Variants in SMYD3 observed in about 807,000 individuals in gnomAD.
SMYD3 encodes the protein histone-lysine N-methyltransferase SMYD3.
In SMYD3, 36 loss-of-function variants were observed where a neutral mutation model predicts 57.7. The ratio of observed to expected loss-of-function variants is 0.62; its 90% confidence interval spans 0.48 to 0.82. The LOEUF (loss-of-function observed/expected upper bound fraction) is 0.82. Among genes scored for constraint, SMYD3 ranks in the 40% least tolerant of loss-of-function variants. The probability of loss-of-function intolerance (pLI) is 0.00; values close to 1 mark genes in which losing one functional copy is unlikely to be tolerated. For missense variants in SMYD3, 515 were observed against 538.8 expected (o/e 0.96, Z 0.44); for synonymous variants, 211 against 195.0 (o/e 1.08, Z -0.68).
At chr1:245,833,202 G>A (rs1014856614) in intron 10 of SMYD3, among the ~76,000 whole-genome samples, 2 of 152,098 alleles carry the variant, frequency 1.3e-5, no homozygotes, top group Non-Finnish European at 2.9e-5. Context: ...GTCCTCTGTT[G>A]CTAACATCTT....
chr1:246,165,092 G>C (rs750711348), intron 5 of SMYD3, among the ~76,000 whole-genome samples: 1 of 152,174 alleles, frequency 6.6e-6, no homozygotes, highest in South Asian at 2.1e-4. Context: ...AGGGAAAAGC[G>C]TTCCCGAAAG....
At chr1:246,249,066 T>A (rs12402816) in intron 5 of SMYD3, among the ~76,000 whole-genome samples, 31,379 of 151,048 alleles carry the variant, frequency 0.21, 3,946 homozygotes, top group East Asian at 0.58. Context: ...ATTACTGGGA[T>A]TTTTTTTTAG....
rs529150051 is a variant in SMYD3 at position 245,818,601 on chromosome 1, A to C, written c.1076+39895T>G. 4.5e-4 allele frequency among the ~76,000 whole-genome samples: 68 copies of C among 152,080 alleles called. No homozygotes were observed. In the Middle Eastern group the frequency reaches 0.017, roughly 38 times the overall value. ...TCCAATTAAAAGACACAGACTGGCA[A>C]ATTGGATAAAGAGTCAAGACCCATC... On this transcript the variant is annotated intron_variant, in intron 10 of 11. Transcript: ENST00000490107.
chr1:246,373,942 T>C (rs1558430860), intron 1 of SMYD3, among the ~76,000 whole-genome samples: 1 of 152,198 alleles, frequency 6.6e-6, no homozygotes, highest in Non-Finnish European at 1.5e-5. Flanking sequence ...CACTGATTCA[T>C]TCTTTCAACA....
At chr1:245,873,884 A>C (rs951046815) in intron 8 of SMYD3, among the ~76,000 whole-genome samples, 3 of 152,204 alleles carry the variant, frequency 2.0e-5, no homozygotes, top group Non-Finnish European at 4.4e-5. Context: ...GCCACTGGCC[A>C]GCTGTGAGGC....
At chr1:246,055,930 C>G (rs181924344) in intron 5 of SMYD3, among the ~76,000 whole-genome samples, 217 of 152,194 alleles carry the variant, frequency 1.4e-3, no homozygotes, top group African/African-American at 5.0e-3. Flanking sequence ...TGGAGCTGGA[C>G]AGTGGTAACG....
At chr1:246,351,527 A>G (rs1450889911) in intron 2 of SMYD3, among the ~76,000 whole-genome samples, 1 of 152,234 alleles carries the variant, frequency 6.6e-6, no homozygotes, top group Admixed American at 6.5e-5. Context: ...CTATGAAATT[A>G]TATGATAGAC....
chr1:246,011,152 AC>A lies in SMYD3; in HGVS notation c.532-81216del, dbSNP rs2059275003. ...ATCAACAAAATGATAGGCAGAAGGAACCTCAAAACTTTTGTGATCTGAATTC... is the reference window on the plus strand; with the variant it reads ...ATCAACAAAATGATAGGCAGAAGGAACTCAAAACTTTTGTGATCTGAATTC... On this transcript the variant is annotated intron_variant, in intron 5 of 11. Transcript: ENST00000490107. Among the ~76,000 whole-genome samples the A allele has an allele frequency of 2.0e-5, 3 of 152,316 alleles. No individual in the cohort carries two copies. The East Asian group carries it at 5.8e-4, about 29-fold the overall frequency.
At chr1:245,775,642 T>TC (rs766097007) in intron 10 of SMYD3, among the ~76,000 whole-genome samples, 1 of 150,168 alleles carries the variant, frequency 6.7e-6, no homozygotes, top group African/African-American at 2.5e-5. Context: ...CTGCCGACCT[T>TC]CCCTCCACTA....
At chr1:245,946,830 C>A (rs1243835119) in intron 5 of SMYD3, among the ~76,000 whole-genome samples, 1 of 152,090 alleles carries the variant, frequency 6.6e-6, no homozygotes, top group East Asian at 1.9e-4. Context: ...TATTATTTCA[C>A]CGCCCAAGTA....
intron 5 of SMYD3, among the ~76,000 whole-genome samples, chr1:246,174,091 T>A (rs1211842113): frequency 6.6e-6 from 1 of 152,120 alleles, no homozygotes; most frequent in African/African-American, 2.4e-5. Context: ...ACTACAGGCA[T>A]GAGCCACTGC....
At chr1:245,864,425 A>G (rs1389751953) in intron 8 of SMYD3, among the ~76,000 whole-genome samples, 1 of 152,254 alleles carries the variant, frequency 6.6e-6, no homozygotes, top group African/African-American at 2.4e-5. Flanking sequence ...ACATGCTACA[A>G]CATGGATGAA....
intron 1 of SMYD3, among the ~76,000 whole-genome samples, chr1:246,442,634 A>T (rs2067487410): frequency 6.6e-6 from 1 of 152,182 alleles, no homozygotes; most frequent in Non-Finnish European, 1.5e-5. Context: ...AAATGAAAGA[A>T]TCTAATGATA....
At chr1:245,858,711 G>T in intron 9 of SMYD3, 41 bp from the exon 10 acceptor site, 1 of 1,576,328 alleles carries the variant, frequency 6.3e-7, no homozygotes, top group East Asian at 2.3e-5. Context: ...TCTTCATCAA[G>T]AAAAAAACAA....
intron 5 of SMYD3, among the ~76,000 whole-genome samples, chr1:246,072,560 AG>A (rs1359529384): frequency 1.3e-5 from 2 of 152,218 alleles, no homozygotes; most frequent in African/African-American, 2.4e-5. Context: ...CAGATTCACA[AG>A]GGGTAGACTT....
At chr1:245,867,775 G>A (rs543041158) in intron 8 of SMYD3, among the ~76,000 whole-genome samples, 7 of 152,302 alleles carry the variant, frequency 4.6e-5, no homozygotes, top group Admixed American at 3.3e-4. Flanking sequence ...CAGGATGATC[G>A]GGGAAGGTCT....
intron 5 of SMYD3, among the ~76,000 whole-genome samples, chr1:246,265,085 T>C (rs751689760): frequency 8.1e-4 from 124 of 152,346 alleles, no homozygotes; most frequent in Middle Eastern, 6.8e-3. Context: ...TATTAATTGC[T>C]CTTGCACTGT....
At chr1:246,306,277 G>A (rs1191639627) in intron 5 of SMYD3, among the ~76,000 whole-genome samples, 2 of 151,696 alleles carry the variant, frequency 1.3e-5, no homozygotes, top group African/African-American at 4.8e-5. Flanking sequence ...AGCCCAGGAG[G>A]CAGAGGTTGC....
At chr1:245,977,028 C>CTAGGGAAAG (rs1558551359) in intron 5 of SMYD3, among the ~76,000 whole-genome samples, 10 of 106,410 alleles carry the variant, frequency 9.4e-5, no homozygotes, top group African/African-American at 2.5e-4. Context: ...CGTCTCTAGC[C>CTAGGGAAAG]CAGGGAAAGC....
Sources: gnomAD v4.1 joint callset for allele counts (sites outside exome capture counted in the v4.1 genomes callset) on GRCh38, gnomAD v4.1.1 for gene constraint, MANE v1.5 for transcripts, NCBI Gene and HGNC (gene_info 2026-07-23, HGNC 2026-07-21) for gene names.